Variants in GSE1 observed in about 807,000 individuals in gnomAD.
The protein encoded by GSE1 is Gse1 coiled-coil protein, also known as genetic suppressor element 1.
Under a neutral mutation model 112.6 loss-of-function variants are expected in GSE1, and 32 were observed. The observed-to-expected ratio is 0.28, with a 90% CI of 0.21 to 0.38. GSE1 has a LOEUF of 0.38. GSE1 is among the 10% of genes least tolerant of loss of function. The pLI, the probability that GSE1 is intolerant of heterozygous loss-of-function variation, is 1.00. For missense variants in GSE1, 2,348 were observed against 1,699.2 expected (o/e 1.38, Z -6.71); for synonymous variants, 1,115 against 735.6 (o/e 1.52, Z -8.35).
At chr16:85,558,668 C>T (rs2045358087) in intron 1 of GSE1, among the ~76,000 whole-genome samples, 2 of 152,132 alleles carry the variant, frequency 1.3e-5, no homozygotes, top group African/African-American at 4.8e-5. Context: ...TAAATCTCAG[C>T]CTGTGGATGC....
At chr16:85,251,854 G>A (rs1003524173) in intron 1 of GSE1, among the ~76,000 whole-genome samples, 1 of 152,236 alleles carries the variant, frequency 6.6e-6, no homozygotes, top group Non-Finnish European at 1.5e-5. Context: ...TGGGTGTGCG[G>A]AACCCCTATC....
At chr16:85,539,019 C>T (rs982524647) in intron 2 of GSE1, among the ~76,000 whole-genome samples, 7 of 152,338 alleles carry the variant, frequency 4.6e-5, no homozygotes, top group South Asian at 2.1e-4. Context: ...TCTTCAAGGC[C>T]GGTGCCCCTG....
intron 1 of GSE1, among the ~76,000 whole-genome samples, chr16:85,277,097 G>A (rs1254551396): frequency 6.6e-6 from 1 of 152,194 alleles, no homozygotes; most frequent in Non-Finnish European, 1.5e-5. Context: ...AGGAGCTGGG[G>A]GAGGGGTGTA....
At chr16:85,365,291 G>A (rs1305786898) in intron 2 of GSE1, among the ~76,000 whole-genome samples, 2 of 152,230 alleles carry the variant, frequency 1.3e-5, no homozygotes, top group Non-Finnish European at 2.9e-5. Context: ...ACCTGCCTGA[G>A]ACAGCACACG....
upstream of GSE1, chr16:85,613,058 A>C: frequency 1.0e-4 from 42 of 404,606 alleles, no homozygotes; most frequent in Middle Eastern, 1.4e-3. Flanking sequence ...CGGGCCGGGG[A>C]GGGGCGTGTG....
At chr16:85,462,324 T>A (rs1190116645) in intron 2 of GSE1, among the ~76,000 whole-genome samples, 1 of 152,036 alleles carries the variant, frequency 6.6e-6, no homozygotes, top group Non-Finnish European at 1.5e-5. Flanking sequence ...GGCCGCCACC[T>A]GGCTTTTGCT....
chr16:85,174,202 A>C (rs2074415311), intron 1 of GSE1, among the ~76,000 whole-genome samples: 1 of 152,188 alleles, frequency 6.6e-6, no homozygotes, highest in African/African-American at 2.4e-5. Flanking sequence ...GGATGAGAGG[A>C]AATAAGGTTG....
chr16:85,647,962 G>C (rs1192866845), intron 2 of GSE1, among the ~76,000 whole-genome samples: 1 of 151,930 alleles, frequency 6.6e-6, no homozygotes, highest in Non-Finnish European at 1.5e-5. Context: ...AGCCCCCGGA[G>C]GGGGCGCCTT....
intron 1 of GSE1, among the ~76,000 whole-genome samples, chr16:85,339,302 T>G (rs905357812): frequency 1.3e-5 from 2 of 152,186 alleles, no homozygotes; most frequent in South Asian, 2.1e-4. Flanking sequence ...CGACATCCTT[T>G]TCCTCCTGTG....
chr16:85,650,857 C>G (rs985179355), intron 3 of GSE1, among the ~76,000 whole-genome samples: 12 of 151,748 alleles, frequency 7.9e-5, no homozygotes, highest in African/African-American at 2.7e-4. Flanking sequence ...TGGCAGTTGC[C>G]GGGCCGGAGG....
chr16:85,382,804 ACACT>A (rs2047579500), intron 2 of GSE1, among the ~76,000 whole-genome samples: 1 of 151,758 alleles, frequency 6.6e-6, no homozygotes, highest in Admixed American at 6.6e-5. Flanking sequence ...ACATGCACAC[ACACT>A]CATACACACA....
intron 1 of GSE1, among the ~76,000 whole-genome samples, chr16:85,318,803 C>T (rs986000597): frequency 6.6e-6 from 1 of 152,202 alleles, no homozygotes; most frequent in Admixed American, 6.5e-5. Context: ...AAGGTAGTGT[C>T]GCAGGAGACA....
At chr16:85,643,423 G>A (rs985837220) in intron 2 of GSE1, among the ~76,000 whole-genome samples, 3 of 152,218 alleles carry the variant, frequency 2.0e-5, no homozygotes, top group Non-Finnish European at 4.4e-5. Flanking sequence ...GGATTAGGCC[G>A]CTGAGTGTCA....
At chr16:85,247,839 C>G (rs1906027898) in intron 1 of GSE1, among the ~76,000 whole-genome samples, 1 of 152,226 alleles carries the variant, frequency 6.6e-6, no homozygotes, top group African/African-American at 2.4e-5. Context: ...ACACCTGAGC[C>G]CCGTTCTGAA....
At chr16:85,517,173 G>C (rs1009500171) in intron 2 of GSE1, among the ~76,000 whole-genome samples, 1 of 152,076 alleles carries the variant, frequency 6.6e-6, no homozygotes, top group Non-Finnish European at 1.5e-5. Context: ...CCCCTCGCTG[G>C]GGAGATGAAG....
rs1350425225 is a variant in GSE1 at position 85,193,005 on chromosome 16, C to A, written c.2283+21198C>A. On this transcript the variant is annotated intron_variant, in intron 1 of 2. Coordinates refer to the GSE1 transcript ENST00000637419. ...AGGGCTGTTGGAGGGGGCTGGGAGCCTGCTAGGAGGCTCTTCCCCCGGCAT... is the reference window on the plus strand; with the variant it reads ...AGGGCTGTTGGAGGGGGCTGGGAGCATGCTAGGAGGCTCTTCCCCCGGCAT... Among the ~76,000 whole-genome samples, 3 of 152,304 alleles carry A rather than the reference C, an allele frequency of 2.0e-5. No homozygotes were observed. In the East Asian group the frequency reaches 5.8e-4, roughly 29 times the overall value.
chr16:85,601,947 G>A (rs1051127692), intron 1 of GSE1, among the ~76,000 whole-genome samples: 2 of 152,212 alleles, frequency 1.3e-5, no homozygotes, highest in Non-Finnish European at 2.9e-5. Flanking sequence ...CTTAATGACC[G>A]GCAGTAGGTT....
chr16:85,588,778 G>A (rs916662354), intron 1 of GSE1, among the ~76,000 whole-genome samples: 5 of 152,202 alleles, frequency 3.3e-5, no homozygotes, highest in African/African-American at 1.2e-4. Context: ...GCCTTTGTCA[G>A]GGGGCCCGGG....
At chr16:85,633,349 G>A (rs867906629) in intron 1 of GSE1, among the ~76,000 whole-genome samples, 7 of 152,198 alleles carry the variant, frequency 4.6e-5, no homozygotes, top group East Asian at 1.9e-4. Context: ...GGACTGGGCC[G>A]AGTTGGGGCC....
Sources: allele counts gnomAD v4.1 joint callset (sites outside exome capture counted in the v4.1 genomes callset), GRCh38; gene constraint gnomAD v4.1.1; transcripts MANE v1.5; gene names NCBI Gene and HGNC (gene_info 2026-07-23, HGNC 2026-07-21).